The following FCHSD2 variants were observed in gnomAD, a reference collection of about 807,000 sequenced individuals.
FCHSD2 encodes F-BAR and double SH3 domains protein 2.
FCHSD2 carries 38 observed loss-of-function variants against 108.1 expected under a neutral mutation model. The ratio of observed to expected loss-of-function variants is 0.35; its 90% CI spans 0.27 to 0.46. The LOEUF is 0.46. FCHSD2 is among the 20% of genes least tolerant of loss of function. The pLI, the probability that FCHSD2 is intolerant of heterozygous loss-of-function variation, is 1.00. For missense variants in FCHSD2, 751 were observed against 897.8 expected (o/e 0.84, Z 2.09); for synonymous variants, 279 against 314.7 (o/e 0.89, Z 1.20).
At chr11:72,855,433 G>A (rs1861402906) in intron 13 of FCHSD2, among the ~76,000 whole-genome samples, 1 of 152,098 alleles carries the variant, frequency 6.6e-6, no homozygotes, top group Non-Finnish European at 1.5e-5. Context: ...CCAAGATCAT[G>A]CCACTGTACT....
rs199892054 is a variant in FCHSD2, at chr11:73,001,104, G to A, written c.273C>T (p.Leu91=). ...RSMYPVWKSF[L]EGTMQVAQSR... ...ACTGGGCTACCTGCATTGTTCCCTC[G>A]AGAAAAGATTTCCAAACGGGATACA... is the stretch of plus-strand genomic sequence containing the variant. The change falls in exon 5 of 20, where the codon CTC becomes CTT. Residue 91 remains leucine (L), a synonymous_variant. Transcript: ENST00000409418. The A allele has an allele frequency of 2.4e-5, 39 of 1,613,042 alleles. No homozygotes were observed. In the Admixed American group the frequency reaches 3.0e-4, roughly 12 times the overall value.
At chr11:73,109,945 G>A (rs1230165339) in intron 2 of FCHSD2, among the ~76,000 whole-genome samples, 3 of 152,148 alleles carry the variant, frequency 2.0e-5, no homozygotes, top group African/African-American at 7.2e-5. Flanking sequence ...AGCATCAATT[G>A]AAATGATCAT....
intron 13 of FCHSD2, among the ~76,000 whole-genome samples, chr11:72,853,401 T>G (rs1861344008): frequency 6.6e-6 from 1 of 152,164 alleles, no homozygotes; most frequent in African/African-American, 2.4e-5. Flanking sequence ...GGGAAACACT[T>G]TATGACACTG....
chr11:72,888,188 G>GA (rs1855238373), intron 11 of FCHSD2, among the ~76,000 whole-genome samples: 1 of 152,154 alleles, frequency 6.6e-6, no homozygotes, highest in Admixed American at 6.5e-5. Flanking sequence ...AGGAACCCAT[G>GA]AAAAAATCTA....
At chr11:73,025,277 G>GTATA (rs201906618) in intron 3 of FCHSD2, among the ~76,000 whole-genome samples, 1 of 152,114 alleles carries the variant, frequency 6.6e-6, no homozygotes, top group African/African-American at 2.4e-5. Flanking sequence ...AGAAAATGTG[G>GTATA]TATATATATA....
chr11:72,957,437 T>C (rs1856735690), intron 8 of FCHSD2, among the ~76,000 whole-genome samples: 1 of 151,326 alleles, frequency 6.6e-6, no homozygotes, highest in African/African-American at 2.4e-5. Flanking sequence ...CTATCATTGT[T>C]GGACATTTGG....
At chr11:73,035,150 T>TTATGTATGTATGTATG (rs200439027) in intron 3 of FCHSD2, among the ~76,000 whole-genome samples, 33 of 143,940 alleles carry the variant, frequency 2.3e-4, no homozygotes, top group South Asian at 4.6e-4. Flanking sequence ...GTTTTTATTT[T>TTATGTATGTATGTATG]TATGTATGTA....
At position 72,907,627 on chromosome 11, in the gene FCHSD2, C is replaced by T. The variant is rs374790939; in HGVS notation, c.829-4989G>A. 6.4e-3 allele frequency among the ~76,000 whole-genome samples: 606 copies of T among 94,674 alleles called. 7 individuals are homozygous for T. Among genetic ancestry groups the T allele is most frequent in the African/African-American group, 0.024 (585 of 24,464 alleles). 62.1% of individuals were successfully genotyped at this position (94,674 alleles called of 152,430 possible). A position where few individuals can be genotyped will look rare whatever the true frequency, so the allele number is the denominator to read the frequency against. ...TTTTTTTTTTTTTTTTTTCTTGAGA[C>T]GGAGTCTGGCTTTGTCTCCCAGGCA... is the stretch of plus-strand genomic sequence containing the variant. On this transcript the variant is annotated intron_variant, in intron 9 of 19. Transcript: ENST00000409418.
intron 8 of FCHSD2, among the ~76,000 whole-genome samples, chr11:72,964,021 A>G (rs892300659): frequency 3.3e-5 from 5 of 152,246 alleles, no homozygotes; most frequent in African/African-American, 1.2e-4. Flanking sequence ...TATCCATTTC[A>G]ATGACTTAAC....
At chr11:73,097,424 CTA>C (rs1224169575) in intron 2 of FCHSD2, among the ~76,000 whole-genome samples, 1 of 149,106 alleles carries the variant, frequency 6.7e-6, no homozygotes, top group African/African-American at 2.5e-5. Context: ...AAATAGTAGT[CTA>C]TAGTTTTCTT....
At chr11:72,901,185 A>T (rs1303789252) in intron 10 of FCHSD2, among the ~76,000 whole-genome samples, 1 of 152,072 alleles carries the variant, frequency 6.6e-6, no homozygotes, top group Non-Finnish European at 1.5e-5. Flanking sequence ...TGAACTCAGG[A>T]GTTCGAGACC....
At chr11:73,035,114 T>C (rs1858454993) in intron 3 of FCHSD2, among the ~76,000 whole-genome samples, 1 of 152,322 alleles carries the variant, frequency 6.6e-6, no homozygotes, top group East Asian at 1.9e-4. Context: ...CTCCTGGACC[T>C]TGACAAGTTA....
At chr11:73,007,143 CG>C (rs1857758362) in intron 4 of FCHSD2, among the ~76,000 whole-genome samples, 1 of 152,082 alleles carries the variant, frequency 6.6e-6, no homozygotes, top group South Asian at 2.1e-4. Flanking sequence ...ATGTATCTTA[CG>C]ATTTTATATC....
chr11:73,051,296 C>T, intron 3 of FCHSD2, among the ~76,000 whole-genome samples: 1 of 151,964 alleles, frequency 6.6e-6, no homozygotes, highest in East Asian at 1.9e-4. Flanking sequence ...GATTGGGTGA[C>T]AGAGTAAGAC....
rs144772849 is a variant in FCHSD2, at chr11:73,046,759, A to G, written c.166-30874T>C. 3.3e-5 allele frequency among the ~76,000 whole-genome samples: 5 copies of G among 152,206 alleles called. No individual in the cohort carries two copies. In the East Asian group the frequency reaches 9.7e-4, roughly 29 times the overall value. On this transcript the variant is annotated intron_variant, in intron 3 of 19. Coordinates refer to ENST00000409418, the MANE Select transcript of FCHSD2 (RefSeq NM_014824.3). ...TGTGTATTTGTTTGTTTATTGATTGATTGATTAAGACAGGGATTTCACCAT... is the reference window on the plus strand; with the variant it reads ...TGTGTATTTGTTTGTTTATTGATTGGTTGATTAAGACAGGGATTTCACCAT...
chr11:72,909,969 G>T (rs915831729), intron 9 of FCHSD2, among the ~76,000 whole-genome samples: 1 of 145,202 alleles, frequency 6.9e-6, no homozygotes, highest in Non-Finnish European at 1.5e-5. Context: ...CCATTGTCTG[G>T]GAGGTGAGGA....
At chr11:73,089,273 AACAG>A (rs147120594) in intron 2 of FCHSD2, among the ~76,000 whole-genome samples, 2,045 of 152,362 alleles carry the variant, frequency 0.013, 45 homozygotes, top group African/African-American at 0.045. Context: ...GCTATAATAA[AACAG>A]ACAGTAACAA....
chr11:73,087,829 C>T (rs1415302414), intron 2 of FCHSD2, among the ~76,000 whole-genome samples: 1 of 152,184 alleles, frequency 6.6e-6, no homozygotes, highest in Non-Finnish European at 1.5e-5. Context: ...CACTCACTGA[C>T]TCACCCAGAG....
rs777807694 is a variant in FCHSD2, at chr11:72,887,566, A to G, written c.1050T>C (p.Asn350=). Residue 350 remains asparagine, a synonymous_variant, in exon 12 of 20, where the codon AAT becomes AAC. Coordinates refer to ENST00000409418, the MANE Select transcript of FCHSD2 (RefSeq NM_014824.3). ...CAGCAGCTCCATGACACTCCAGATC[A>G]TTTAGAACCTATTAAAGAAAATGGG... ...KNIVHQQRVL[N]DLECHGAAVS... is the part of the protein sequence containing the mutation. The G allele has an allele frequency of 1.0e-5, 16 of 1,562,454 alleles. No homozygotes were observed. Among genetic ancestry groups the G allele is most frequent in the Admixed American group, 2.1e-5 (1 of 48,614 alleles).
Sources: gnomAD v4.1 joint callset for allele counts (sites outside exome capture counted in the v4.1 genomes callset) on GRCh38, gnomAD v4.1.1 for gene constraint, MANE v1.5 for transcripts, NCBI Gene and HGNC (gene_info 2026-07-23, HGNC 2026-07-21) for gene names.